The following CHST11 variants were observed in gnomAD, a reference collection of about 807,000 sequenced individuals.
CHST11 encodes the protein carbohydrate sulfotransferase 11.
CHST11 carries 9 observed loss-of-function variants against 30.4 expected under a neutral mutation model. That is an observed-to-expected ratio of 0.30 (90% CI 0.18 to 0.52). CHST11 has a LOEUF of 0.52. Among genes scored for constraint, CHST11 ranks in the 20% least tolerant of loss-of-function variants. CHST11 has a pLI of 0.97. For synonymous variants in CHST11, 152 were observed against 187.8 expected, an observed-to-expected ratio of 0.81 and a Z score of 1.56; for missense variants, 348 against 460.6, an observed-to-expected ratio of 0.76 and a Z score of 2.24.
intron 1 of CHST11, among the ~76,000 whole-genome samples, chr12:104,490,024 C>A (rs1445045699): frequency 1.3e-5 from 2 of 152,170 alleles, no homozygotes; most frequent in African/African-American, 4.8e-5. Context: ...AATTGTTTGT[C>A]CTCTGAGGCT....
At chr12:104,693,435 C>T (rs572357694) in intron 2 of CHST11, among the ~76,000 whole-genome samples, 32 of 152,290 alleles carry the variant, frequency 2.1e-4, no homozygotes, top group Non-Finnish European at 3.1e-4. Context: ...AGGGAAGGAT[C>T]GTCATTAATA....
Position 104,457,251 on chromosome 12 carries a change from G to A in CHST11, c.-161G>A, listed in dbSNP as rs557399984. The A allele has an allele frequency of 1.1e-4, 65 of 587,612 alleles. No individual in the cohort carries two copies. In the South Asian group the frequency reaches 1.3e-3, roughly 12 times the overall value. 36.4% of individuals were successfully genotyped at this position (587,612 alleles called of 1,614,324 possible). On this transcript the variant is annotated 5_prime_UTR_variant, in exon 1 of 3. Transcript: ENST00000303694. The stretch of plus-strand genomic sequence containing the variant: ...ACCTTCCACACCCCTGCCCGGGCTG[G>A]GGGCTCCGAGAGCGGCCGCGAAGCG...
chr12:104,488,502 C>T (rs533949243), intron 1 of CHST11, among the ~76,000 whole-genome samples: 6 of 145,856 alleles, frequency 4.1e-5, no homozygotes, highest in East Asian at 2.0e-4. Context: ...TATGTGTGTC[C>T]GTGTATATGT....
intron 2 of CHST11, among the ~76,000 whole-genome samples, chr12:104,749,648 A>C (rs1246641464): frequency 1.3e-5 from 2 of 152,026 alleles, no homozygotes; most frequent in African/African-American, 4.8e-5. Context: ...AGTCTTCTTC[A>C]CTCTCTTGTC....
chr12:104,697,678 A>G (rs2039958833), intron 2 of CHST11, among the ~76,000 whole-genome samples: 1 of 152,164 alleles, frequency 6.6e-6, no homozygotes, highest in East Asian at 1.9e-4. Context: ...CTTCCCAACT[A>G]AGTGGCCTCT....
At chr12:104,519,709 C>T (rs1363739761) in intron 1 of CHST11, among the ~76,000 whole-genome samples, 1 of 152,162 alleles carries the variant, frequency 6.6e-6, no homozygotes. Context: ...GATTTGACAC[C>T]AGCATTTTGC....
chr12:104,503,390 C>G (rs974683973), intron 1 of CHST11, among the ~76,000 whole-genome samples: 4 of 152,230 alleles, frequency 2.6e-5, no homozygotes, highest in Non-Finnish European at 2.9e-5. Flanking sequence ...CCCACACTTC[C>G]TGGCTATGTG....
intron 1 of CHST11, among the ~76,000 whole-genome samples, chr12:104,518,812 G>A (rs2038049389): frequency 6.6e-6 from 1 of 152,052 alleles, no homozygotes; most frequent in African/African-American, 2.4e-5. Flanking sequence ...TTTTTTATCT[G>A]TGATCCAATA....
intron 1 of CHST11, among the ~76,000 whole-genome samples, chr12:104,515,048 A>T (rs1410545445): frequency 6.6e-6 from 1 of 152,208 alleles, no homozygotes; most frequent in Admixed American, 6.5e-5. Context: ...ATCTAAGTTC[A>T]TGACTGAATC....
intron 2 of CHST11, among the ~76,000 whole-genome samples, chr12:104,698,412 C>G (rs958198914): frequency 6.6e-6 from 1 of 152,192 alleles, no homozygotes; most frequent in African/African-American, 2.4e-5. Context: ...AGTTCTTACC[C>G]AGGGAGCTTT....
chr12:104,724,819 A>G (rs1008198211), intron 2 of CHST11, among the ~76,000 whole-genome samples: 1 of 152,222 alleles, frequency 6.6e-6, no homozygotes, highest in African/African-American at 2.4e-5. Flanking sequence ...CCCAGTTAAT[A>G]TTGAATTTCA....
rs2038463399 is a variant in CHST11 at position 104,556,982 on chromosome 12, A to G, written c.119-44924A>G. On this transcript the variant is annotated intron_variant, in intron 1 of 2. Transcript: ENST00000303694. ...GGCAACAGAGCAAGACTCTGTCTCA[A>G]AAAAAAAAAAAAAAAAAGATTTCCC... Among the ~76,000 whole-genome samples, 3 of 138,180 alleles carry G rather than the reference A, an allele frequency of 2.2e-5. No individual in the cohort carries two copies. The South Asian group carries it at 7.0e-4, about 32-fold the overall frequency. 90.7% of individuals were successfully genotyped at this position (138,180 alleles called of 152,430 possible).
chr12:104,530,563 G>T (rs1442157994), intron 1 of CHST11, among the ~76,000 whole-genome samples: 1 of 152,208 alleles, frequency 6.6e-6, no homozygotes, highest in Non-Finnish European at 1.5e-5. Flanking sequence ...CAATCTACTT[G>T]GCAGCTTCAT....
chr12:104,658,133 A>C (rs961362447), intron 2 of CHST11, among the ~76,000 whole-genome samples: 10 of 152,234 alleles, frequency 6.6e-5, no homozygotes, highest in Non-Finnish European at 5.9e-5. Context: ...CCCAACCTGC[A>C]GTGCCTCTTG....
At chr12:104,590,890 C>G (rs1024111349) in intron 1 of CHST11, among the ~76,000 whole-genome samples, 4 of 151,840 alleles carry the variant, frequency 2.6e-5, no homozygotes, top group African/African-American at 9.7e-5. Flanking sequence ...CCACTTTACT[C>G]CAGCCTGGGT....
At chr12:104,491,373 C>T (rs2037744193) in intron 1 of CHST11, among the ~76,000 whole-genome samples, 1 of 152,102 alleles carries the variant, frequency 6.6e-6, no homozygotes, top group South Asian at 2.1e-4. Flanking sequence ...CTCCCTGTGC[C>T]CCCCATGATC....
chr12:104,730,466 G>A (rs2040248005), intron 2 of CHST11, among the ~76,000 whole-genome samples: 1 of 152,218 alleles, frequency 6.6e-6, no homozygotes, highest in South Asian at 2.1e-4. Flanking sequence ...CTAGGTGTGA[G>A]GGAGGGGCTA....
intron 1 of CHST11, among the ~76,000 whole-genome samples, chr12:104,503,647 A>G (rs901899055): frequency 3.9e-5 from 6 of 152,136 alleles, no homozygotes; most frequent in African/African-American, 1.4e-4. Flanking sequence ...TGGGCCCTGT[A>G]TCTTGTGTCC....
At chr12:104,520,182 G>C (rs1242076140) in intron 1 of CHST11, among the ~76,000 whole-genome samples, 2 of 152,200 alleles carry the variant, frequency 1.3e-5, no homozygotes, top group Non-Finnish European at 1.5e-5. Context: ...CTCATCAGCT[G>C]GGGAGGCTTC....
Sources: gnomAD v4.1 joint callset for allele counts (sites outside exome capture counted in the v4.1 genomes callset) on GRCh38, gnomAD v4.1.1 for gene constraint, MANE v1.5 for transcripts, NCBI Gene and HGNC (gene_info 2026-07-23, HGNC 2026-07-21) for gene names.